Variants in NEK10 observed in about 807,000 individuals in gnomAD.
NEK10 encodes serine/threonine-protein kinase Nek10.
A neutral mutation model predicts 159.8 loss-of-function variants in NEK10; 122 were observed. That is an observed-to-expected ratio of 0.76 (90% CI 0.66 to 0.89). NEK10 has a LOEUF of 0.89. Among genes scored for constraint, NEK10 ranks in the 40% least tolerant of loss-of-function variants. The pLI is 0.00. For synonymous variants in NEK10, 466 were observed against 457.1 expected (o/e 1.02, Z -0.25); for missense variants, 1,342 against 1,323.1 (o/e 1.01, Z -0.22).
chr3:27,137,482 C>T (rs755873892), intron 31 of NEK10, among the ~76,000 whole-genome samples: 31 of 152,120 alleles, frequency 2.0e-4, no homozygotes, highest in Non-Finnish European at 3.4e-4. Flanking sequence ...CTATTTAAAG[C>T]TATTTCCGTA....
intron 23 of NEK10, among the ~76,000 whole-genome samples, chr3:27,232,134 C>T (rs1280787457): frequency 6.6e-6 from 1 of 151,566 alleles, no homozygotes; most frequent in Admixed American, 6.6e-5. Flanking sequence ...AAAGATAACA[C>T]ATCGTGATAT....
chr3:27,317,864 G>A (rs1415866108), intron 6 of NEK10, among the ~76,000 whole-genome samples: 1 of 151,890 alleles, frequency 6.6e-6, no homozygotes, highest in Non-Finnish European at 1.5e-5. Flanking sequence ...GTGCAGTGGC[G>A]CGATCTTGGC....
At chr3:27,235,739 G>A (rs191040871) in intron 23 of NEK10, among the ~76,000 whole-genome samples, 71 of 152,186 alleles carry the variant, frequency 4.7e-4, no homozygotes, top group Admixed American at 1.2e-3. Flanking sequence ...AATTCCATTC[G>A]ACCCAGCAAT....
chr3:27,191,092 T>C (rs1949071513), intron 26 of NEK10, among the ~76,000 whole-genome samples: 1 of 152,196 alleles, frequency 6.6e-6, no homozygotes, highest in African/African-American at 2.4e-5. Context: ...CACTAAACAG[T>C]AGTACTTTCC....
Position 27,135,952 on chromosome 3 carries a change from A to C in NEK10, c.2971-3962T>G, listed in dbSNP as rs1348409661. ...CTGCTGAAAAAACACAGAACGTTTC[A>C]CCAATGACAGTCAGTAGTATAATTT... On this transcript the variant is annotated intron_variant, in intron 31 of 35. Coordinates refer to ENST00000691995, the MANE Select transcript of NEK10 (RefSeq NM_001394966.1). Among the ~76,000 whole-genome samples, 3 of 152,274 alleles carry C rather than the reference A, an allele frequency of 2.0e-5. No homozygotes were observed. In the East Asian group the frequency reaches 5.8e-4, roughly 29 times the overall value.
chr3:27,268,085 C>T (rs1575525967), intron 22 of NEK10, among the ~76,000 whole-genome samples: 1 of 152,208 alleles, frequency 6.6e-6, no homozygotes, highest in African/African-American at 2.4e-5. Context: ...TGGAGCAAGG[C>T]CCTAACTCTC....
In NEK10 at chr3:27,198,897, C is replaced by T. The variant is rs559672283; in HGVS notation, c.2291+2613G>A. Among the ~76,000 whole-genome samples, 14 of 151,760 alleles carry T rather than the reference C, an allele frequency of 9.2e-5. No individual in the cohort carries two copies. In the South Asian group the frequency reaches 2.1e-3, roughly 23 times the overall value. On this transcript the variant is annotated intron_variant, in intron 25 of 35. Transcript: ENST00000691995. ...CCATCCTGGCTAACACCGTGAAACCCGTCTCTACTAAAAATACAAAAAGAA... is the reference window on the plus strand; with the variant it reads ...CCATCCTGGCTAACACCGTGAAACCTGTCTCTACTAAAAATACAAAAAGAA...
chr3:27,151,767 A>T (rs1175785297), intron 30 of NEK10, among the ~76,000 whole-genome samples: 1 of 152,230 alleles, frequency 6.6e-6, no homozygotes, highest in Non-Finnish European at 1.5e-5. Flanking sequence ...CAATACAAGA[A>T]GTGAAGGGAG....
intron 33 of NEK10, among the ~76,000 whole-genome samples, chr3:27,117,579 T>C (rs895662476): frequency 6.6e-6 from 1 of 152,238 alleles, no homozygotes; most frequent in African/African-American, 2.4e-5. Flanking sequence ...TAATGATCAA[T>C]GATGTTGAGC....
rs1246744972 is a variant in NEK10 at position 27,115,954 on chromosome 3, A to C, written c.3285T>G (p.Asn1095Lys). The C allele has an allele frequency of 2.5e-6, 4 of 1,612,410 alleles. No homozygotes were observed. The highest frequency in any genetic ancestry group is 3.4e-6 in the Non-Finnish European group (4 of 1,178,942). ...CTAGCTCTTACCTGTTAGATGTAAA[A>C]TTGTAATAGCCACTTTCCTCAAGGA... ...EEVLEESGYYNFTSNRYHSYP... is the reference protein window; with the variant it reads ...EEVLEESGYYKFTSNRYHSYP... The change falls in exon 35 of 36, where the codon AAT becomes AAG. Residue 1095 changes from asparagine to lysine, a missense_variant. Coordinates refer to ENST00000691995, the MANE Select transcript of NEK10 (RefSeq NM_001394966.1).
In NEK10 at chr3:27,201,537, G is replaced by C. The variant is rs1429516172; in HGVS notation, c.2264C>G (p.Ser755Cys). 1 of 1,613,846 alleles carries C rather than the reference G, an allele frequency of 6.2e-7. No homozygotes were observed. The highest frequency in any genetic ancestry group is 1.3e-5 in the African/African-American group (1 of 74,914). ...VYEPVPEGIY[S>C]EKVTDTISRC... ...GCTGATGGTGTCTGTTACTTTTTCA[G>C]AGTAGATACCTTCTGGGACTGGTTC... Residue 755 changes from serine to cysteine, a missense_variant, in exon 25 of 36, where the codon TCT (serine) becomes TGT (cysteine). By Grantham distance (112) the Ser-to-Cys change is moderately radical. Transcript: ENST00000691995.
chr3:27,269,104 C>G (rs1579817), intron 22 of NEK10, among the ~76,000 whole-genome samples: 1 of 152,012 alleles, frequency 6.6e-6, no homozygotes, highest in African/African-American at 2.4e-5. Context: ...AAAACTTGAA[C>G]GGATGAAGAG....
chr3:27,257,788 C>CTTT (rs79727702), intron 22 of NEK10, among the ~76,000 whole-genome samples: 9 of 130,536 alleles, frequency 6.9e-5, no homozygotes, highest in African/African-American at 1.8e-4. Flanking sequence ...TTTCTTTTTT[C>CTTT]TTTTTTTTTT....
At chr3:27,310,278 A>C (rs911293054) in intron 9 of NEK10, 1 of 152,188 alleles carries the variant, frequency 6.6e-6, no homozygotes, top group Non-Finnish European at 1.5e-5. Flanking sequence ...AACTCAAAAA[A>C]ATTTTTTCCA....
chr3:27,116,188 T>C (rs924240546), intron 33 of NEK10, 61 bp from the exon 34 acceptor site: 1 of 1,478,290 alleles, frequency 6.8e-7, no homozygotes, highest in African/African-American at 1.4e-5. Context: ...AGTTATTCTT[T>C]ACTGGCAATT....
At chr3:27,175,727 G>A (rs1457662538) in intron 26 of NEK10, among the ~76,000 whole-genome samples, 1 of 152,164 alleles carries the variant, frequency 6.6e-6, no homozygotes, top group East Asian at 1.9e-4. Flanking sequence ...AAACAGTGCT[G>A]GCAAAGTAAA....
rs561462842 is a variant in NEK10, at chr3:27,207,661, C to T, written c.2091-5104G>A. On this transcript the variant is annotated intron_variant, in intron 23 of 35. Transcript: ENST00000691995. ...AGAGAAAAGGGATTTCTGCATCCCA[C>T]TGCAATGTGTTAATTCTGAGTCTAT... Among the ~76,000 whole-genome samples, 12 of 152,292 alleles carry T rather than the reference C, an allele frequency of 7.9e-5. No homozygotes were observed. In the East Asian group the frequency reaches 2.3e-3, roughly 29 times the overall value.
At chr3:27,344,497 GA>G in intron 4 of NEK10, 127 bp from the exon 5 acceptor site, 1 of 473,772 alleles carries the variant, frequency 2.1e-6, no homozygotes, top group East Asian at 3.3e-5. Flanking sequence ...TACTAATGAG[GA>G]TTCAGGCAAA....
intron 30 of NEK10, chr3:27,162,472 A>C (rs776289583): frequency 6.2e-7 from 1 of 1,614,110 alleles, no homozygotes; most frequent in East Asian, 2.2e-5. Flanking sequence ...ATGATCTTTG[A>C]GATTTCGAAG....
Sources: allele counts gnomAD v4.1 joint callset (sites outside exome capture counted in the v4.1 genomes callset), GRCh38; gene constraint gnomAD v4.1.1; transcripts MANE v1.5; gene names NCBI Gene and HGNC (gene_info 2026-07-23, HGNC 2026-07-21).